The following CBL variants were observed in gnomAD, a reference collection of about 807,000 sequenced individuals.
The protein encoded by CBL is Cbl proto-oncogene.
In CBL, 45 loss-of-function variants were observed where a neutral mutation model predicts 96.9. The observed-to-expected ratio is 0.46, with a 90% CI of 0.37 to 0.60. The LOEUF is 0.60. Ranked by LOEUF, CBL falls within the 20% of genes least tolerant of loss-of-function variation. The probability of loss-of-function intolerance (pLI) is 0.00; values close to 1 mark genes in which losing one functional copy is unlikely to be tolerated. For missense variants in CBL, 1,024 were observed against 1,143.5 expected, an observed-to-expected ratio of 0.90 and a Z score of 1.51; for synonymous variants, 420 against 426.8, an observed-to-expected ratio of 0.98 and a Z score of 0.20.
intron 14 of CBL, 23 bp downstream of exon 14, chr11:119,297,504 T>TA: frequency 1.3e-6 from 2 of 1,491,536 alleles, no homozygotes; most frequent in Non-Finnish European, 1.9e-6. Flanking sequence ...TCTGCTACTT[T>TA]AAAAATCATT....
chr11:119,260,798 G>A (rs1949748273), intron 2 of CBL, among the ~76,000 whole-genome samples: 1 of 151,886 alleles, frequency 6.6e-6, no homozygotes, highest in African/African-American at 2.4e-5. Flanking sequence ...TGCTTTCGCA[G>A]TTTCTTCTTT....
Position 119,284,174 on chromosome 11 carries a change from C to A in CBL, c.1432-795C>A, listed in dbSNP as rs567157121. ...CACTGTACCGACTCTCATCTTCTTTCTTACCTTAATAACCCATAGAGAATT... is the reference window on the plus strand; with the variant it reads ...CACTGTACCGACTCTCATCTTCTTTATTACCTTAATAACCCATAGAGAATT... On this transcript the variant is annotated intron_variant, in intron 9 of 15. Transcript: ENST00000264033. 1.1e-4 allele frequency among the ~76,000 whole-genome samples: 16 copies of A among 152,154 alleles called. 1 individual carries two copies. In the South Asian group the frequency reaches 2.9e-3, roughly 28 times the overall value.
At chr11:119,236,754 C>T (rs917899898) in intron 2 of CBL, among the ~76,000 whole-genome samples, 1 of 151,888 alleles carries the variant, frequency 6.6e-6, no homozygotes, top group African/African-American at 2.4e-5. Context: ...TGATTTTTTG[C>T]TAACAATTGC....
At chr11:119,298,716 AT>A (rs1289585237) in intron 15 of CBL, among the ~76,000 whole-genome samples, 176 bp downstream of exon 15, 40 of 152,314 alleles carry the variant, frequency 2.6e-4, no homozygotes, top group African/African-American at 9.6e-4. Context: ...ACTCTTTAGG[AT>A]TTTTGCAGAC....
intron 1 of CBL, among the ~76,000 whole-genome samples, chr11:119,231,032 C>G (rs1303270511): frequency 4.6e-5 from 7 of 152,136 alleles, no homozygotes; most frequent in South Asian, 2.1e-4. Context: ...TTCTGAGAGT[C>G]CAAATGTAGG....
intron 1 of CBL, among the ~76,000 whole-genome samples, chr11:119,227,685 G>T (rs958121076): frequency 2.0e-5 from 3 of 151,928 alleles, no homozygotes; most frequent in African/African-American, 7.3e-5. Context: ...CAAGTAGCTG[G>T]GATTACAGGC....
chr11:119,287,992 T>TA (rs761032712), intron 12 of CBL, 46 bp downstream of exon 12: 1 of 1,327,618 alleles, frequency 7.5e-7, no homozygotes, highest in South Asian at 1.2e-5. Flanking sequence ...TTGTTACTTG[T>TA]AAAAAGCTTA....
intron 2 of CBL, among the ~76,000 whole-genome samples, chr11:119,264,998 A>G (rs144479912): frequency 1.1e-3 from 168 of 151,940 alleles, no homozygotes; most frequent in African/African-American, 3.7e-3. Flanking sequence ...CACCTCAGCA[A>G]CCCTAGTAGC....
rs140194461 is a variant in CBL, at chr11:119,213,292, C to A, written c.195+6680C>A. 4.1e-3 allele frequency among the ~76,000 whole-genome samples: 629 copies of A among 152,292 alleles called. 3 individuals carry two copies. The highest frequency in any genetic ancestry group is 7.7e-3 in the Admixed American group (117 of 15,290). ...ATAGCATTTAATTGGACTACTACTTCACTCCCTCCCTTCCTTCTTACCTTC... is the reference window on the plus strand; with the variant it reads ...ATAGCATTTAATTGGACTACTACTTAACTCCCTCCCTTCCTTCTTACCTTC... On this transcript the variant is annotated intron_variant, in intron 1 of 15. Coordinates refer to ENST00000264033, the MANE Select transcript of CBL (RefSeq NM_005188.4).
chr11:119,293,105 CT>C (rs34950699), intron 12 of CBL, among the ~76,000 whole-genome samples: 41,368 of 149,180 alleles, frequency 0.28, 6,082 homozygotes, highest in South Asian at 0.59. Flanking sequence ...CGATTCCATC[CT>C]TTTTTTTTTC....
intron 2 of CBL, among the ~76,000 whole-genome samples, chr11:119,269,749 A>C (rs897810063): frequency 3.9e-5 from 6 of 152,114 alleles, no homozygotes; most frequent in Non-Finnish European, 8.8e-5. Flanking sequence ...TAATCCCAGC[A>C]CTTTGGGAGG....
chr11:119,263,486 C>G (rs1297841915), intron 2 of CBL, among the ~76,000 whole-genome samples: 1 of 152,134 alleles, frequency 6.6e-6, no homozygotes, highest in Non-Finnish European at 1.5e-5. Context: ...TTGAAATGCT[C>G]TGGATGATTA....
intron 1 of CBL, among the ~76,000 whole-genome samples, chr11:119,229,164 AATTTTAAT>A (rs1949482546): frequency 6.6e-6 from 1 of 152,136 alleles, no homozygotes; most frequent in South Asian, 2.1e-4. Context: ...AGGAAACTAC[AATTTTAAT>A]ATTTTTGTTG....
chr11:119,283,092 C>G (rs780748811), intron 9 of CBL, among the ~76,000 whole-genome samples: 1 of 152,174 alleles, frequency 6.6e-6, no homozygotes, highest in Non-Finnish European at 1.5e-5. Context: ...AAGACCCTGT[C>G]TCCCATAAAT....
At chr11:119,264,185 A>G (rs555723569) in intron 2 of CBL, among the ~76,000 whole-genome samples, 11 of 152,292 alleles carry the variant, frequency 7.2e-5, no homozygotes, top group African/African-American at 1.7e-4. Context: ...TATTGTTAAA[A>G]TACACTTACC....
In CBL at chr11:119,206,399, C is replaced by G; in HGVS notation, c.-19C>G. The G allele has an allele frequency of 6.6e-7, 1 of 1,522,866 alleles. No homozygotes were observed. The allele number at this position is 1,522,866 out of a possible 1,614,324, so 94.3% of individuals were successfully genotyped here. On this transcript the variant is annotated 5_prime_UTR_variant, in exon 1 of 16. Transcript: ENST00000264033. ...AGCCGAGCCGGCGGACCCGCCTGGG[C>G]TCCGACCCTGCCCAGGCCATGGCCG...
chr11:119,244,137 G>T (rs1949607217), intron 2 of CBL, among the ~76,000 whole-genome samples: 1 of 152,094 alleles, frequency 6.6e-6, no homozygotes, highest in African/African-American at 2.4e-5. Context: ...TAATATGATC[G>T]CTAGATTATG....
chr11:119,305,925 A>T lies in CBL; in HGVS notation c.*6144A>T. The T allele has an allele frequency of 3.8e-6, 1 of 264,512 alleles. No individual in the cohort carries two copies. Among genetic ancestry groups the T allele is most frequent in the East Asian group, 5.6e-5 (1 of 17,840 alleles). 16.4% of individuals were successfully genotyped at this position (264,512 alleles called of 1,614,324 possible). On this transcript the variant is annotated 3_prime_UTR_variant, in exon 16 of 16. Coordinates refer to ENST00000264033, the MANE Select transcript of CBL (RefSeq NM_005188.4). ...ACAGAAGTTACCTAATAATCCAAAG[A>T]TGTCCATCAAGGGAGGAAGGGTGGG... is the stretch of plus-strand genomic sequence containing the variant.
chr11:119,301,243 G>T lies in CBL; in HGVS notation c.*1462G>T, dbSNP rs1950099602. Reference sequence around the variant, plus strand: ...GACATCATTCAGTGAATAAATTACTGTAGTCAAAGACAGTATGGGCTGGCA... The same window carrying T: ...GACATCATTCAGTGAATAAATTACTTTAGTCAAAGACAGTATGGGCTGGCA... On this transcript the variant is annotated 3_prime_UTR_variant, in exon 16 of 16. Transcript: ENST00000264033. 1 of 233,028 alleles carries T rather than the reference G, an allele frequency of 4.3e-6. No individual in the cohort carries two copies. The highest frequency in any genetic ancestry group is 2.2e-5 in the African/African-American group (1 of 45,298). 14.4% of individuals were successfully genotyped at this position (233,028 alleles called of 1,614,324 possible).
Sources: gnomAD v4.1 joint callset for allele counts (sites outside exome capture counted in the v4.1 genomes callset) on GRCh38, gnomAD v4.1.1 for gene constraint, MANE v1.5 for transcripts, NCBI Gene and HGNC (gene_info 2026-07-23, HGNC 2026-07-21) for gene names.